ADAMTSL1: variants seen among roughly 807,000 people sequenced by gnomAD.
The protein encoded by ADAMTSL1 is ADAMTS-like protein 1.
ADAMTSL1 carries 126 observed loss-of-function variants against 201.8 expected under a neutral mutation model. The ratio of observed to expected loss-of-function variants is 0.62; its 90% confidence interval spans 0.54 to 0.72. The LOEUF (loss-of-function observed/expected upper bound fraction) is 0.72. Ranked by LOEUF, ADAMTSL1 falls within the 30% of genes least tolerant of loss-of-function variation. The pLI is 0.00. For synonymous variants in ADAMTSL1, 1,121 were observed against 903.4 expected, an observed-to-expected ratio of 1.24 and a Z score of -4.32; for missense variants, 2,679 against 2,277.8, an observed-to-expected ratio of 1.18 and a Z score of -3.59.
chr9:17,925,919 C>T (rs919539356), intron 1 of ADAMTSL1, among the ~76,000 whole-genome samples: 2 of 151,764 alleles, frequency 1.3e-5, no homozygotes, highest in African/African-American at 2.4e-5. Context: ...ATGGAGAATA[C>T]GTGCTGCTCA....
intron 1 of ADAMTSL1, among the ~76,000 whole-genome samples, chr9:17,968,210 A>G (rs528324312): frequency 4.5e-4 from 68 of 151,990 alleles, no homozygotes; most frequent in Non-Finnish European, 7.5e-4. Context: ...CCTCCATCTC[A>G]TGATGCAATA....
At chr9:18,229,161 A>C (rs1189934487) in intron 2 of ADAMTSL1, among the ~76,000 whole-genome samples, 1 of 152,144 alleles carries the variant, frequency 6.6e-6, no homozygotes, top group Non-Finnish European at 1.5e-5. Context: ...TTTTAGGAGG[A>C]GGTGAGCAGC....
intron 28 of ADAMTSL1, chr9:18,907,236 T>G (rs895855803): frequency 3.0e-6 from 1 of 336,826 alleles, no homozygotes; most frequent in African/African-American, 2.2e-5. Context: ...GTCTGACTCA[T>G]CAACAACTCT....
chr9:18,611,916 C>A (rs1020377103), intron 4 of ADAMTSL1, among the ~76,000 whole-genome samples: 7 of 151,712 alleles, frequency 4.6e-5, no homozygotes, highest in Non-Finnish European at 2.9e-5. Flanking sequence ...TGTGGCTTTG[C>A]CCCAGCCAGA....
At chr9:18,133,108 C>A (rs1008444813) in intron 1 of ADAMTSL1, among the ~76,000 whole-genome samples, 1 of 152,116 alleles carries the variant, frequency 6.6e-6, no homozygotes, top group African/African-American at 2.4e-5. Context: ...TTCAGACTCT[C>A]CTCCGGAATT....
At chr9:18,712,267 A>C (rs1832665095) in intron 14 of ADAMTSL1, among the ~76,000 whole-genome samples, 1 of 152,394 alleles carries the variant, frequency 6.6e-6, no homozygotes, top group Non-Finnish European at 1.5e-5. Context: ...TGATGAGCTG[A>C]GAGAAGAAGG....
intron 4 of ADAMTSL1, among the ~76,000 whole-genome samples, chr9:18,606,259 G>A (rs1006763551): frequency 6.6e-6 from 1 of 152,134 alleles, no homozygotes; most frequent in Non-Finnish European, 1.5e-5. Flanking sequence ...AAATTTTCAA[G>A]GGGGTTGTTT....
At chr9:18,470,810 G>A (rs954515586), upstream of ADAMTSL1, among the ~76,000 whole-genome samples, 2 of 151,396 alleles carry the variant, frequency 1.3e-5, no homozygotes, top group African/African-American at 4.8e-5. Flanking sequence ...ATACCATTTG[G>A]AATGATGCTT....
chr9:18,873,091 CAA>C (rs1357280403), intron 23 of ADAMTSL1, among the ~76,000 whole-genome samples: 30 of 152,098 alleles, frequency 2.0e-4, no homozygotes, highest in African/African-American at 7.2e-4. Flanking sequence ...AGCATTTTTT[CAA>C]AAGTTTGTTG....
chr9:18,581,340 A>G (rs142138771), intron 4 of ADAMTSL1, among the ~76,000 whole-genome samples: 4 of 152,280 alleles, frequency 2.6e-5, no homozygotes, highest in African/African-American at 7.2e-5. Flanking sequence ...CAAAGATTCT[A>G]TTTCCTAAAA....
chr9:18,224,916 GTTAA>G (rs1830389799), intron 2 of ADAMTSL1, among the ~76,000 whole-genome samples: 1 of 151,966 alleles, frequency 6.6e-6, no homozygotes, highest in South Asian at 2.1e-4. Context: ...TCTTTGTTTT[GTTAA>G]TTTTTTCCCA....
intron 2 of ADAMTSL1, among the ~76,000 whole-genome samples, chr9:18,251,358 T>C (rs1345817478): frequency 6.6e-6 from 1 of 152,042 alleles, no homozygotes; most frequent in Admixed American, 6.5e-5. Flanking sequence ...GACAAGAAAG[T>C]TTTATCGAGT....
At chr9:18,703,469 TA>T (rs1167299789) in intron 13 of ADAMTSL1, among the ~76,000 whole-genome samples, 1 of 151,962 alleles carries the variant, frequency 6.6e-6, no homozygotes, top group East Asian at 1.9e-4. Flanking sequence ...CTGTATGCAC[TA>T]GAGAAATTAA....
chr9:18,262,552 A>G (rs547870623), intron 2 of ADAMTSL1, among the ~76,000 whole-genome samples: 2 of 152,326 alleles, frequency 1.3e-5, no homozygotes, highest in Admixed American at 6.5e-5. Flanking sequence ...GACAATTTAT[A>G]TGATGAAATA....
At chr9:18,723,821 T>G (rs949217351) in intron 15 of ADAMTSL1, 1 of 152,268 alleles carries the variant, frequency 6.6e-6, no homozygotes, top group African/African-American at 2.4e-5. Flanking sequence ...AGAGGTGCCT[T>G]TCCTGTGGAA....
chr9:18,753,564 A>T, intron 16 of ADAMTSL1, 56 bp downstream of exon 16: 1 of 1,544,918 alleles, frequency 6.5e-7, no homozygotes, highest in Non-Finnish European at 8.7e-7. Flanking sequence ...TGACTCAAAA[A>T]AGGGATGCTC....
chr9:18,376,760 C>A (rs1445957427), intron 2 of ADAMTSL1, among the ~76,000 whole-genome samples: 1 of 151,980 alleles, frequency 6.6e-6, no homozygotes, highest in Non-Finnish European at 1.5e-5. Flanking sequence ...GAGCCAAGAT[C>A]GCATCACTGC....
intron 2 of ADAMTSL1, among the ~76,000 whole-genome samples, chr9:18,165,156 T>A (rs1408228146): frequency 6.6e-6 from 1 of 151,994 alleles, no homozygotes; most frequent in African/African-American, 2.4e-5. Context: ...CACCTAAGTT[T>A]TATTTTTCCT....
At chr9:18,675,424 T>A (rs117281110) in intron 9 of ADAMTSL1, among the ~76,000 whole-genome samples, 1 of 152,296 alleles carries the variant, frequency 6.6e-6, no homozygotes, top group East Asian at 1.9e-4. Flanking sequence ...CCAGCTTGAA[T>A]AGCTCTCTCT....
Sources: gnomAD v4.1 joint callset for allele counts (sites outside exome capture counted in the v4.1 genomes callset) on GRCh38, gnomAD v4.1.1 for gene constraint, MANE v1.5 for transcripts, NCBI Gene and HGNC (gene_info 2026-07-23, HGNC 2026-07-21) for gene names.